Variants in DENND6B observed in about 807,000 individuals in gnomAD.
DENND6B encodes protein DENND6B.
A neutral mutation model predicts 85.1 loss-of-function variants in DENND6B; 73 were observed. The observed-to-expected ratio is 0.86, with a 90% CI of 0.71 to 1.04. The LOEUF is 1.04. DENND6B is among the 50% of genes least tolerant of loss of function. The pLI, the probability that DENND6B is intolerant of heterozygous loss-of-function variation, is 0.00. For synonymous variants in DENND6B, 357 were observed against 329.3 expected, an observed-to-expected ratio of 1.08 and a Z score of -0.91; for missense variants, 715 against 785.8, an observed-to-expected ratio of 0.91 and a Z score of 1.08.
At chr22:50,317,116 G>A in intron 5 of DENND6B, 177 bp downstream of exon 5, 1 of 524,918 alleles carries the variant, frequency 1.9e-6, no homozygotes, top group South Asian at 1.9e-5. Context: ...ACAGGGTGGG[G>A]GGCGGCGAGG....
rs376414994 is a variant in DENND6B, at chr22:50,316,225, C to T, written c.588G>A (p.Ala196=). The change falls in exon 7 of 20, where the codon GCG becomes GCA. Residue 196 remains alanine (A), a synonymous_variant. Coordinates refer to ENST00000413817, the MANE Select transcript of DENND6B (RefSeq NM_001001794.4). ...GGTTCAGGGTCTGCCCAGGTGCAGG[C>T]GCCGGCCACTGGTCGATCTCACTGC... ...AVCSEIDQWP[A]PAPGQTLNLP... 1.1e-4 allele frequency: 177 copies of T among 1,609,660 alleles called. No homozygotes were observed. The highest frequency in any genetic ancestry group is 1.4e-4 in the Non-Finnish European group (160 of 1,178,812).
Position 50,326,916 on chromosome 22 carries a change from C to T in DENND6B, c.73G>A (p.Gly25Ser). The change falls in exon 1 of 20, where the codon GGT becomes AGT. Residue 25 changes from glycine (G) to serine (S), a missense_variant. Coordinates refer to ENST00000413817, the MANE Select transcript of DENND6B (RefSeq NM_001001794.4). ...CLGAAGPTSS[G>S]RAARTPAAPW... ...GCCGCCGGGGTCCGCGCCGCGCGAC[C>T]TGAAGACGTGGGTCCAGCCGCGCCC... The T allele has an allele frequency of 1.5e-6, 2 of 1,376,496 alleles. No individual in the cohort carries two copies. The highest frequency in any genetic ancestry group is 9.4e-7 in the Non-Finnish European group (1 of 1,065,242). The allele number at this position is 1,376,496 out of a possible 1,614,324, so 85.3% of individuals were successfully genotyped here. A position where few individuals can be genotyped will look rare whatever the true frequency, so the allele number is the denominator to read the frequency against.
Position 50,318,006 on chromosome 22 carries a change from T to C in DENND6B, c.274A>G (p.Thr92Ala), listed in dbSNP as rs763844016. Residue 92 changes from threonine (T) to alanine (A), a missense_variant, in exon 4 of 20, where the codon ACT (threonine) becomes GCT (alanine). Physicochemically the swap from Thr to Ala is moderately conservative, Grantham distance 58. Coordinates refer to ENST00000413817, the MANE Select transcript of DENND6B (RefSeq NM_001001794.4). ...PDSHSGCLGD[T>A]QFSFRMRQCG... ...TGGCGCATGCGGAAGCTGAACTGAG[T>C]GTCTCCAAGGCAGCCTAAGAAGGGG... 2 of 1,612,306 alleles carry C rather than the reference T, an allele frequency of 1.2e-6. No individual in the cohort carries two copies. The highest frequency in any genetic ancestry group is 2.2e-5 in the East Asian group (1 of 44,860).
At position 50,326,909 on chromosome 22, in the gene DENND6B, G is replaced by A. The variant is rs2042205168; in HGVS notation, c.80C>T (p.Ala27Val). ...CCAGGGCGCCGCCGGGGTCCGCGCC[G>A]CGCGACCTGAAGACGTGGGTCCAGC... ...GAAGPTSSGRAARTPAAPWAR... is the reference protein window; with the variant it reads ...GAAGPTSSGRVARTPAAPWAR... The change falls in exon 1 of 20, where the codon GCG (alanine) becomes GTG (valine). Residue 27 changes from alanine (A) to valine (V), a missense_variant. Physicochemically the swap from Ala to Val is moderately conservative, Grantham distance 64. Coordinates refer to ENST00000413817, the MANE Select transcript of DENND6B (RefSeq NM_001001794.4). 2.2e-6 allele frequency: 3 copies of A among 1,384,096 alleles called. No individual in the cohort carries two copies. The highest frequency in any genetic ancestry group is 3.1e-5 in the South Asian group (2 of 64,572). 85.7% of individuals were successfully genotyped at this position (1,384,096 alleles called of 1,614,324 possible). A position where few individuals can be genotyped will look rare whatever the true frequency, so the allele number is the denominator to read the frequency against.
rs1235674002 is a variant in DENND6B, at chr22:50,317,378, A to G, written c.373-5T>C. 2 of 1,612,688 alleles carry G rather than the reference A, an allele frequency of 1.2e-6. No homozygotes were observed. Among genetic ancestry groups the G allele is most frequent in the Admixed American group, 3.3e-5 (2 of 59,998 alleles). On this transcript the variant is annotated splice_region_variant and splice_polypyrimidine_tract_variant and intron_variant, in intron 4 of 19. Coordinates refer to ENST00000413817, the MANE Select transcript of DENND6B (RefSeq NM_001001794.4). ...GAAGTAGTGTGCCGGCTCCCTCTGC[A>G]AGGAGCATGGTGTTAGCCAGCCACG...
intron 7 of DENND6B, 38 bp downstream of exon 7, chr22:50,316,136 C>G (rs760594299): frequency 1.2e-6 from 2 of 1,612,670 alleles, no homozygotes; most frequent in East Asian, 2.2e-5. Context: ...CATCCCCACA[C>G]ACCTGCAGAG....
chr22:50,315,618 A>G (rs921373827), intron 9 of DENND6B, 96 bp downstream of exon 9: 9 of 1,361,112 alleles, frequency 6.6e-6, no homozygotes, highest in Non-Finnish European at 9.0e-6. Flanking sequence ...ACACACGCAC[A>G]CACATACTCA....
At chr22:50,312,301 G>T in intron 19 of DENND6B, 40 bp from the exon 20 acceptor site, 1 of 1,611,290 alleles carries the variant, frequency 6.2e-7, no homozygotes, top group Non-Finnish European at 8.5e-7. Context: ...GCAGCTCCGT[G>T]CCAGGCTGGT....
In DENND6B at chr22:50,314,488, G is replaced by C; in HGVS notation, c.984C>G (p.Asn328Lys). The change falls in exon 12 of 20, where the codon AAC (asparagine) becomes AAG (lysine). Residue 328 changes from asparagine to lysine, a missense_variant. Asn to Lys is a moderately conservative substitution (Grantham distance 94). Transcript: ENST00000413817. ...EFTTRTQAPP[N>K]VVLGVTNPFF... is the part of the protein sequence containing the mutation. Reference sequence around the variant, plus strand: ...AAGGGTTTGTGACTCCCAGGACCACGTTTGGTCTAGACAGACAGAGAGAGA... The same window carrying C: ...AAGGGTTTGTGACTCCCAGGACCACCTTTGGTCTAGACAGACAGAGAGAGA... The C allele has an allele frequency of 6.4e-7, 1 of 1,559,044 alleles. No homozygotes were observed. The highest frequency in any genetic ancestry group is 2.4e-5 in the East Asian group (1 of 41,872).
In DENND6B at chr22:50,312,582, G is replaced by A. The variant is rs751826381; in HGVS notation, c.1501C>T (p.Arg501Trp). The change falls in exon 18 of 20, where the codon CGG becomes TGG. Residue 501 changes from arginine to tryptophan, a missense_variant. Arg to Trp is a moderately radical substitution (Grantham distance 101). Transcript: ENST00000413817. Reference protein sequence around the residue: ...SPHFDGWYRQRHKEMALKLEA... With the variant: ...SPHFDGWYRQWHKEMALKLEA... ...AGCTTCAGGGCCATCTCCTTGTGCC[G>A]CTGCCGGTACCAGCCATCAAAATGG... 12 of 1,590,030 alleles carry A rather than the reference G, an allele frequency of 7.5e-6. No homozygotes were observed. The highest frequency in any genetic ancestry group is 4.6e-5 in the East Asian group (2 of 43,702).
intron 1 of DENND6B, 114 bp downstream of exon 1, chr22:50,326,698 G>A: frequency 1.0e-6 from 1 of 965,704 alleles, no homozygotes; most frequent in Non-Finnish European, 1.3e-6. Flanking sequence ...CCAGGAGGCG[G>A]CGGCCGAAGG....
chr22:50,317,091 G>T (rs867310107), intron 5 of DENND6B: 7,788 of 364,868 alleles, frequency 0.021, 363 homozygotes, highest in African/African-American at 0.11. Flanking sequence ...AGGACAGGGT[G>T]GGGGGGTGGC....
At chr22:50,315,642 A>T in intron 9 of DENND6B, 72 bp downstream of exon 9, 1 of 1,464,826 alleles carries the variant, frequency 6.8e-7, no homozygotes, top group Non-Finnish European at 9.3e-7. Context: ...ACAGATGCAC[A>T]CATGCACGTA....
At chr22:50,317,414 A>T (rs1214147982) in intron 4 of DENND6B, 41 bp from the exon 5 acceptor site, 1 of 1,608,976 alleles carries the variant, frequency 6.2e-7, no homozygotes, top group Non-Finnish European at 8.5e-7. Context: ...CCCCACCCGG[A>T]CCACCTGGCC....
rs564590910 is a variant in DENND6B, at chr22:50,318,172, G to A, written c.260-152C>T. 4.5e-4 allele frequency among the ~76,000 whole-genome samples: 68 copies of A among 152,252 alleles called. No individual in the cohort carries two copies. In the East Asian group the frequency reaches 0.012, roughly 28 times the overall value. On this transcript the variant is annotated intron_variant, in intron 3 of 19. Transcript: ENST00000413817. ...AGCCTGGCTAACACAGTGAAACCCC[G>A]TTTCTACTAAAAATACAAAAATTAG...
intron 14 of DENND6B, 33 bp from the exon 15 acceptor site, chr22:50,313,757 G>GCTT: frequency 1.2e-6 from 2 of 1,607,254 alleles, no homozygotes; most frequent in South Asian, 1.1e-5. Flanking sequence ...CCCTTGCTGC[G>GCTT]CTTCACACCA....
intron 4 of DENND6B, 57 bp from the exon 5 acceptor site, chr22:50,317,430 C>T: frequency 6.3e-7 from 1 of 1,594,882 alleles, no homozygotes; most frequent in Non-Finnish European, 8.6e-7. Flanking sequence ...TGGCCAGCCC[C>T]AGGGCTGGGA....
chr22:50,315,921 G>GC, intron 8 of DENND6B, 104 bp downstream of exon 8: 1 of 1,577,230 alleles, frequency 6.3e-7, no homozygotes, highest in South Asian at 1.2e-5. Context: ...TGACAACCCC[G>GC]CAGGGTGAAC....
chr22:50,324,917 G>A (rs1445234405), intron 1 of DENND6B, among the ~76,000 whole-genome samples: 1 of 152,046 alleles, frequency 6.6e-6, no homozygotes, highest in African/African-American at 2.4e-5. Flanking sequence ...CTTCCATATC[G>A]CAGAACCAAG....
Sources: allele counts gnomAD v4.1 joint callset (sites outside exome capture counted in the v4.1 genomes callset), GRCh38; gene constraint gnomAD v4.1.1; transcripts MANE v1.5; gene names NCBI Gene and HGNC (gene_info 2026-07-23, HGNC 2026-07-21).